The following OR4N2 variants were observed in gnomAD, a reference collection of about 807,000 sequenced individuals.
The protein encoded by OR4N2 is olfactory receptor family 4 subfamily N member 2, also known as olfactory receptor 4N2.
For missense variants in OR4N2, 307 were observed against 377.6 expected (o/e 0.81, Z 1.55); for synonymous variants, 141 against 140.4 (o/e 1.00, Z -0.03).
chr14:19,826,752 T>C (rs1879709457), intron 1 of OR4N2, among the ~76,000 whole-genome samples: 1 of 152,216 alleles, frequency 6.6e-6, no homozygotes, highest in Admixed American at 6.5e-5. Flanking sequence ...TGCATGCAGG[T>C]GTGGAGTGGC....
intron 1 of OR4N2, among the ~76,000 whole-genome samples, chr14:19,815,452 T>G (rs1416939256): frequency 3.9e-5 from 6 of 152,256 alleles, no homozygotes; most frequent in Non-Finnish European, 8.8e-5. Flanking sequence ...CATATGTTTG[T>G]TGGCTGCATA....
intron 1 of OR4N2, among the ~76,000 whole-genome samples, chr14:19,811,398 C>T (rs1371482629): frequency 6.6e-6 from 1 of 152,210 alleles, no homozygotes; most frequent in African/African-American, 2.4e-5. Flanking sequence ...AGGCGCCCAC[C>T]ACCACGCCTG....
At chr14:19,822,645 G>T (rs1879595816) in intron 1 of OR4N2, among the ~76,000 whole-genome samples, 1 of 152,186 alleles carries the variant, frequency 6.6e-6, no homozygotes, top group African/African-American at 2.4e-5. Flanking sequence ...TTATCCCAGG[G>T]GTTACTCAAA....
intron 1 of OR4N2, among the ~76,000 whole-genome samples, chr14:19,823,779 G>A (rs1344055558): frequency 6.6e-6 from 1 of 150,684 alleles, no homozygotes; most frequent in Admixed American, 6.6e-5. Context: ...AATTAACAGG[G>A]AAAAGAAATC....
Position 19,828,416 on chromosome 14 carries a change from T to C in OR4N2, c.*44T>C. On this transcript the variant is annotated 3_prime_UTR_variant, in exon 2 of 2. Transcript: ENST00000557677. ...AAAGAATAAAAATAGACTGTAGAAT[T>C]TTATCTGAAATTGATTTGTTTATTT... 6.7e-7 allele frequency: 1 copy of C among 1,484,030 alleles called. No homozygotes were observed. Among genetic ancestry groups the C allele is most frequent in the African/African-American group, 1.4e-5 (1 of 69,790 alleles). 91.9% of individuals were successfully genotyped at this position (1,484,030 alleles called of 1,614,324 possible).
chr14:19,827,625 C>T lies in OR4N2; in HGVS notation c.177C>T (p.Leu59=). The part of the protein sequence containing the change: ...IKSDPGLTAP[L]YFFLGNLAFL... ...CAGACCCTGGGCTCACAGCCCCCCT[C>T]TATTTCTTTCTGGGCAACTTGGCCT... Residue 59 remains leucine (L), a synonymous_variant, in exon 2 of 2, where the codon CTC becomes CTT. Coordinates refer to ENST00000557677, the MANE Select transcript of OR4N2 (RefSeq NM_001004723.3). 1 of 1,614,124 alleles carries T rather than the reference C, an allele frequency of 6.2e-7. No individual in the cohort carries two copies.
At chr14:19,826,651 A>C (rs1410457340) in intron 1 of OR4N2, among the ~76,000 whole-genome samples, 1 of 152,260 alleles carries the variant, frequency 6.6e-6, no homozygotes, top group African/African-American at 2.4e-5. Context: ...TGTTTGTTAA[A>C]AGGCTGTATC....
At chr14:19,810,097 A>T (rs1389541247) in intron 1 of OR4N2, among the ~76,000 whole-genome samples, 4 of 152,260 alleles carry the variant, frequency 2.6e-5, no homozygotes, top group African/African-American at 9.6e-5. Context: ...TTTGCAAACT[A>T]TGCGCCCAAC....
intron 1 of OR4N2, among the ~76,000 whole-genome samples, chr14:19,818,111 G>A (rs1400468515): frequency 6.6e-6 from 1 of 152,212 alleles, no homozygotes; most frequent in Non-Finnish European, 1.5e-5. Flanking sequence ...TTCCAAGTAT[G>A]TGGTCAATTT....
rs1274198829 is a variant in OR4N2, at chr14:19,813,182, C to A, written c.-10+9338C>A. On this transcript the variant is annotated intron_variant, in intron 1 of 1. Coordinates refer to ENST00000557677, the MANE Select transcript of OR4N2 (RefSeq NM_001004723.3). ...TTAAAAGTTTTGGTGGCAAGACTAA[C>A]CTACTCCAAGATGGGGTTGTTATTC... Among the ~76,000 whole-genome samples the A allele has an allele frequency of 2.6e-5, 4 of 152,238 alleles. No individual in the cohort carries two copies. In the South Asian group the frequency reaches 8.3e-4, roughly 31 times the overall value.
chr14:19,807,079 A>G (rs1316324418), intron 1 of OR4N2, among the ~76,000 whole-genome samples: 5 of 142,922 alleles, frequency 3.5e-5, no homozygotes, highest in Non-Finnish European at 6.2e-5. Context: ...TTTTTAAATA[A>G]ATAAGTAAAT....
chr14:19,822,660 T>A (rs4520752), intron 1 of OR4N2, among the ~76,000 whole-genome samples: 41,200 of 148,690 alleles, frequency 0.28, 2,729 homozygotes, highest in African/African-American at 0.31. Flanking sequence ...CTCAAAGACA[T>A]TGACAAAAGA....
chr14:19,821,406 A>T (rs1266034656), intron 1 of OR4N2, among the ~76,000 whole-genome samples: 1 of 151,520 alleles, frequency 6.6e-6, no homozygotes, highest in East Asian at 1.9e-4. Context: ...CACCGTCTAA[A>T]GTTTGGTGAA....
chr14:19,827,405 A>C (rs760920394), intron 1 of OR4N2, 35 bp from the exon 2 acceptor site: 2 of 1,507,088 alleles, frequency 1.3e-6, no homozygotes, highest in Non-Finnish European at 1.8e-6. Flanking sequence ...AAGACATAGT[A>C]ATAACAATTA....
At chr14:19,826,265 TTC>T (rs1879696723) in intron 1 of OR4N2, among the ~76,000 whole-genome samples, 4 of 152,286 alleles carry the variant, frequency 2.6e-5, no homozygotes, top group Admixed American at 2.6e-4. Flanking sequence ...CACATTGTTT[TTC>T]TTTTTATTTA....
rs71108560 is a variant in OR4N2 at position 19,825,526 on chromosome 14, CTTATTTATTTATTTAT to C, written c.-9-1883_-9-1868del. On this transcript the variant is annotated intron_variant, in intron 1 of 1. Transcript: ENST00000557677. ...CTTCCGCACCCCATGTGCTAGAGCA[CTTATTTATTTATTTAT>C]TTATTTATTTATTTATTTATTTATT... Among the ~76,000 whole-genome samples, 68 of 140,824 alleles carry C rather than the reference CTTATTTATTTATTTAT, an allele frequency of 4.8e-4. No homozygotes were observed. In the South Asian group the frequency reaches 5.6e-3, roughly 12 times the overall value. The allele number at this position is 140,824 out of a possible 152,430, so 92.4% of individuals were successfully genotyped here. A position where few individuals can be genotyped will look rare whatever the true frequency, so the allele number is the denominator to read the frequency against.
At position 19,829,245 on chromosome 14, in the gene OR4N2, A is replaced by C. The variant is rs1299574887; in HGVS notation, c.*873A>C. 1 of 152,248 alleles carries C rather than the reference A, an allele frequency of 6.6e-6. No homozygotes were observed. The highest frequency in any genetic ancestry group is 1.5e-5 in the Non-Finnish European group (1 of 68,056). 9.4% of individuals were successfully genotyped at this position (152,248 alleles called of 1,614,324 possible). On this transcript the variant is annotated 3_prime_UTR_variant, in exon 2 of 2. Transcript: ENST00000557677. ...TTTTACTTTTTTTTTCTAGAGCTTC[A>C]TGATTACTCCTAGCAAATTTTTATG...
chr14:19,810,373 C>G (rs1183404676), intron 1 of OR4N2, among the ~76,000 whole-genome samples: 7 of 152,184 alleles, frequency 4.6e-5, no homozygotes, highest in Non-Finnish European at 1.0e-4. Flanking sequence ...AGAGGGAACA[C>G]TTATACACTG....
intron 1 of OR4N2, among the ~76,000 whole-genome samples, chr14:19,807,983 C>T (rs1594392516): frequency 6.6e-6 from 1 of 152,132 alleles, no homozygotes; most frequent in African/African-American, 2.4e-5. Flanking sequence ...GAGACAAAAA[C>T]CACATGATCA....
Sources: allele counts gnomAD v4.1 joint callset (sites outside exome capture counted in the v4.1 genomes callset), GRCh38; gene constraint gnomAD v4.1.1; transcripts MANE v1.5; gene names NCBI Gene and HGNC (gene_info 2026-07-23, HGNC 2026-07-21).